CDH13: variants seen among roughly 807,000 people sequenced by gnomAD.
CDH13 encodes cadherin-13.
In CDH13, 24 loss-of-function variants were observed where a neutral mutation model predicts 63.8. The ratio of observed to expected loss-of-function variants is 0.38; its 90% CI spans 0.27 to 0.53. The LOEUF (loss-of-function observed/expected upper bound fraction) is 0.53, where lower values mean the gene tolerates loss of function less well. Among genes scored for constraint, CDH13 ranks in the 20% least tolerant of loss-of-function variants. The pLI, the probability that CDH13 is intolerant of heterozygous loss-of-function variation, is 0.85. For missense variants in CDH13, 1,049 were observed against 903.1 expected (o/e 1.16, Z -2.07); for synonymous variants, 503 against 355.3 (o/e 1.42, Z -4.67).
At chr16:82,710,202 A>G (rs1247715462) in intron 1 of CDH13, among the ~76,000 whole-genome samples, 2 of 145,320 alleles carry the variant, frequency 1.4e-5, no homozygotes, top group Non-Finnish European at 3.0e-5. Flanking sequence ...TTATTTATAT[A>G]TTACATTAAT....
chr16:82,640,361 T>G (rs1232371361), intron 1 of CDH13, among the ~76,000 whole-genome samples: 1 of 152,232 alleles, frequency 6.6e-6, no homozygotes, highest in South Asian at 2.1e-4. Context: ...CTCTACTTTT[T>G]GTTTGTGTTG....
chr16:83,708,729 T>A (rs1226646003), intron 10 of CDH13, among the ~76,000 whole-genome samples: 1 of 152,182 alleles, frequency 6.6e-6, no homozygotes, highest in Non-Finnish European at 1.5e-5. Context: ...AAAGTCCTTA[T>A]AAGAAGGAGG....
chr16:83,293,535 C>G (rs567495995), intron 5 of CDH13, among the ~76,000 whole-genome samples: 16 of 152,262 alleles, frequency 1.1e-4, no homozygotes, highest in Admixed American at 3.3e-4. Flanking sequence ...TCTTTATAGA[C>G]TCAGAAGCTT....
intron 2 of CDH13, among the ~76,000 whole-genome samples, chr16:82,869,195 C>A (rs965991282): frequency 6.6e-6 from 1 of 152,134 alleles, no homozygotes; most frequent in African/African-American, 2.4e-5. Context: ...TACAGAAGTG[C>A]ACCACCACGC....
intron 7 of CDH13, among the ~76,000 whole-genome samples, chr16:83,489,157 A>G (rs1319298096): frequency 6.6e-6 from 1 of 152,234 alleles, no homozygotes; most frequent in African/African-American, 2.4e-5. Context: ...AAAATATTTT[A>G]TAAGTCTCTA....
chr16:83,762,060 T>TA (rs779827576), intron 11 of CDH13, among the ~76,000 whole-genome samples: 1 of 152,062 alleles, frequency 6.6e-6, no homozygotes, highest in East Asian at 1.9e-4. Flanking sequence ...AGACCCCACC[T>TA]AAAAAATAAA....
At chr16:82,692,475 T>A (rs1915739458) in intron 1 of CDH13, among the ~76,000 whole-genome samples, 1 of 151,994 alleles carries the variant, frequency 6.6e-6, no homozygotes, top group Admixed American at 6.6e-5. Flanking sequence ...CTCTCCTTTA[T>A]AAAACCATCA....
chr16:82,790,347 A>G (rs973314686), intron 1 of CDH13, among the ~76,000 whole-genome samples: 4 of 152,098 alleles, frequency 2.6e-5, no homozygotes, highest in African/African-American at 7.2e-5. Flanking sequence ...AGGCAGGAGA[A>G]TTGCGTGAAC....
chr16:82,718,593 T>C (rs1322152905), intron 1 of CDH13, among the ~76,000 whole-genome samples: 1 of 152,148 alleles, frequency 6.6e-6, no homozygotes, highest in Non-Finnish European at 1.5e-5. Flanking sequence ...TATCTAAGAC[T>C]GGGCAATTTA....
chr16:83,202,543 A>G (rs2039062337), intron 4 of CDH13, among the ~76,000 whole-genome samples: 1 of 152,172 alleles, frequency 6.6e-6, no homozygotes, highest in Non-Finnish European at 1.5e-5. Context: ...GGCAGAACAG[A>G]ATGTCAGGAT....
At chr16:83,080,880 T>TTGTTTG (rs1555579074) in intron 3 of CDH13, among the ~76,000 whole-genome samples, 1 of 112,516 alleles carries the variant, frequency 8.9e-6, no homozygotes, top group African/African-American at 3.6e-5. Context: ...TGTTTTTTTT[T>TTGTTTG]TTTTTTTTTT....
At chr16:83,524,065 G>C (rs1187995719) in intron 7 of CDH13, among the ~76,000 whole-genome samples, 2 of 152,168 alleles carry the variant, frequency 1.3e-5, no homozygotes, top group Non-Finnish European at 2.9e-5. Flanking sequence ...CTTTATTTCA[G>C]TTGTGTAAAT....
chr16:83,539,197 G>T (rs1015554505), intron 7 of CDH13, among the ~76,000 whole-genome samples: 2 of 152,066 alleles, frequency 1.3e-5, no homozygotes, highest in African/African-American at 4.8e-5. Context: ...GGTGGGGGAT[G>T]GTTTCAGGAT....
chr16:82,740,472 C>T (rs2033879302), intron 1 of CDH13, among the ~76,000 whole-genome samples: 1 of 152,156 alleles, frequency 6.6e-6, no homozygotes, highest in Non-Finnish European at 1.5e-5. Flanking sequence ...GTGGAATATG[C>T]CAGTGTATCG....
At chr16:82,713,806 G>GAAAAA (rs758482459) in intron 1 of CDH13, among the ~76,000 whole-genome samples, 16 of 120,046 alleles carry the variant, frequency 1.3e-4, no homozygotes, top group African/African-American at 1.5e-4. Context: ...CTGTATTTGT[G>GAAAAA]AAAAAAAAAA....
chr16:82,925,946 T>G (rs2042291430), intron 2 of CDH13: 1 of 152,064 alleles, frequency 6.6e-6, no homozygotes, highest in Non-Finnish European at 1.5e-5. Context: ...TTTAAAAAAT[T>G]CAGCAAAGAC....
intron 5 of CDH13, among the ~76,000 whole-genome samples, chr16:83,320,164 C>G (rs1356552607): frequency 6.6e-6 from 1 of 151,940 alleles, no homozygotes; most frequent in Non-Finnish European, 1.5e-5. Context: ...CTCAACCTCA[C>G]GAGTAGCTAC....
chr16:82,629,765 C>T (rs1907785640), intron 1 of CDH13, among the ~76,000 whole-genome samples: 1 of 152,226 alleles, frequency 6.6e-6, no homozygotes, highest in Non-Finnish European at 1.5e-5. Flanking sequence ...GTTGAACAGT[C>T]ACCTCTCCTA....
In CDH13 at chr16:83,566,706, A is replaced by G. The variant is rs551208065; in HGVS notation, c.961-35748A>G. Reference sequence around the variant, plus strand: ...AAAGCCCTGCTCTCCAGCTCACTTTATGACAGCACTCTGCCTTCAGGGTTG... The same window carrying G: ...AAAGCCCTGCTCTCCAGCTCACTTTGTGACAGCACTCTGCCTTCAGGGTTG... On this transcript the variant is annotated intron_variant, in intron 7 of 13. Coordinates refer to ENST00000567109, the MANE Select transcript of CDH13 (RefSeq NM_001257.5). Among the ~76,000 whole-genome samples the G allele has an allele frequency of 2.6e-5, 4 of 152,260 alleles. No individual in the cohort carries two copies. The South Asian group carries it at 6.2e-4, about 24-fold the overall frequency.
Sources: gnomAD v4.1 joint callset for allele counts (sites outside exome capture counted in the v4.1 genomes callset) on GRCh38, gnomAD v4.1.1 for gene constraint, MANE v1.5 for transcripts, NCBI Gene and HGNC (gene_info 2026-07-23, HGNC 2026-07-21) for gene names.